Variants in FBXW11 observed in about 807,000 individuals in gnomAD.
The protein encoded by FBXW11 is F-box and WD repeat domain containing 11.
Under a neutral mutation model 77.6 loss-of-function variants are expected in FBXW11, and 19 were observed. The observed-to-expected ratio is 0.24, with a 90% CI of 0.17 to 0.36. The LOEUF (loss-of-function observed/expected upper bound fraction) is 0.36, where lower values mean the gene tolerates loss of function less well. Ranked by LOEUF, FBXW11 falls within the 10% of genes least tolerant of loss-of-function variation. The pLI is 1.00. For synonymous variants in FBXW11, 235 were observed against 249.4 expected (o/e 0.94, Z 0.54); for missense variants, 334 against 704.2 (o/e 0.47, Z 5.95).
At chr5:172,004,883 A>ACACG (rs1766638702) in intron 1 of FBXW11, among the ~76,000 whole-genome samples, 1 of 151,912 alleles carries the variant, frequency 6.6e-6, no homozygotes, top group Non-Finnish European at 1.5e-5. Context: ...ACACACACAC[A>ACACG]CACACACACG....
chr5:171,999,587 A>G (rs1215634352), intron 1 of FBXW11, among the ~76,000 whole-genome samples: 4 of 152,036 alleles, frequency 2.6e-5, no homozygotes, highest in Admixed American at 2.0e-4. Context: ...TCTATCATGT[A>G]GTCATTTCAG....
chr5:171,866,176 G>C (rs2113734540), intron 13 of FBXW11, among the ~76,000 whole-genome samples: 1 of 151,904 alleles, frequency 6.6e-6, no homozygotes. Context: ...GAGGCAAGAG[G>C]ATCACCCGAG....
chr5:171,956,336 C>T (rs1195479439), intron 2 of FBXW11, among the ~76,000 whole-genome samples: 1 of 152,124 alleles, frequency 6.6e-6, no homozygotes, highest in African/African-American at 2.4e-5. Flanking sequence ...AACATATATT[C>T]ATTACACTGA....
chr5:171,879,079 G>C (rs1335077345), intron 7 of FBXW11, among the ~76,000 whole-genome samples: 1 of 152,156 alleles, frequency 6.6e-6, no homozygotes, highest in Non-Finnish European at 1.5e-5. Context: ...AGAAAAGGAA[G>C]AAAGGATTAA....
chr5:171,931,973 C>T lies in FBXW11; in HGVS notation c.148-17568G>A, dbSNP rs1762231787. On this transcript the variant is annotated intron_variant, in intron 2 of 13. Coordinates refer to ENST00000517395, the MANE Select transcript of FBXW11 (RefSeq NM_001378974.1). ...CACTGCAGCCTCAACCTCCCAGGCT[C>T]AAGTGATCCTCCCACCTCAGCCTCC... Among the ~76,000 whole-genome samples the T allele has an allele frequency of 4.6e-5, 7 of 151,200 alleles. No individual in the cohort carries two copies. In the Admixed American group the frequency reaches 4.6e-4, roughly 10 times the overall value.
intron 1 of FBXW11, among the ~76,000 whole-genome samples, chr5:171,977,260 T>C (rs1298880225): frequency 1.4e-5 from 2 of 140,640 alleles, no homozygotes; most frequent in African/African-American, 5.4e-5. Context: ...TAGTGAGCCA[T>C]GACTGCACCA....
At chr5:171,864,990 CT>C (rs1757298076) in intron 13 of FBXW11, among the ~76,000 whole-genome samples, 1 of 148,540 alleles carries the variant, frequency 6.7e-6, no homozygotes, top group African/African-American at 2.5e-5. Flanking sequence ...GCAAGAGAGA[CT>C]TTTTAAAGCT....
At chr5:171,943,691 C>T (rs1409217564) in intron 2 of FBXW11, among the ~76,000 whole-genome samples, 1 of 152,178 alleles carries the variant, frequency 6.6e-6, no homozygotes, top group Non-Finnish European at 1.5e-5. Flanking sequence ...CCTCATGATC[C>T]GCCCGCCTCG....
chr5:171,936,763 T>C (rs1215622159), intron 2 of FBXW11, among the ~76,000 whole-genome samples: 3 of 152,104 alleles, frequency 2.0e-5, no homozygotes, highest in African/African-American at 4.8e-5. Context: ...CAGGATATGA[T>C]AACCTGTTTA....
At chr5:171,914,196 A>G in intron 3 of FBXW11, 147 bp downstream of exon 3, 1 of 655,202 alleles carries the variant, frequency 1.5e-6, no homozygotes, top group Non-Finnish European at 2.6e-6. Flanking sequence ...TGGAATGAAG[A>G]TAAATTAGGG....
At chr5:171,933,198 G>T (rs1762308477) in intron 2 of FBXW11, among the ~76,000 whole-genome samples, 1 of 150,088 alleles carries the variant, frequency 6.7e-6, no homozygotes, top group Non-Finnish European at 1.5e-5. Context: ...ATGAAATGAG[G>T]CATCAAGTCA....
At chr5:171,923,762 T>C (rs899085047) in intron 2 of FBXW11, among the ~76,000 whole-genome samples, 2 of 151,838 alleles carry the variant, frequency 1.3e-5, no homozygotes, top group South Asian at 2.1e-4. Flanking sequence ...GTCTCTGAAA[T>C]AGAGATGTTT....
chr5:171,945,270 A>C (rs1762950933), intron 2 of FBXW11, among the ~76,000 whole-genome samples: 1 of 152,272 alleles, frequency 6.6e-6, no homozygotes, highest in Non-Finnish European at 1.5e-5. Context: ...CAACATAAAT[A>C]GCATTCCTAT....
At chr5:171,910,948 A>T in intron 3 of FBXW11, 151 bp from the exon 4 acceptor site, 1 of 611,110 alleles carries the variant, frequency 1.6e-6, no homozygotes, top group African/African-American at 1.9e-5. Flanking sequence ...TTCATTCAGG[A>T]ATTAAAAATG....
At chr5:171,866,960 A>G (rs1229158677) in intron 13 of FBXW11, among the ~76,000 whole-genome samples, 1 of 152,228 alleles carries the variant, frequency 6.6e-6, no homozygotes, top group African/African-American at 2.4e-5. Context: ...GACCCATAAT[A>G]GCAAATAGGT....
chr5:171,997,582 T>C (rs1217085328), intron 1 of FBXW11, among the ~76,000 whole-genome samples: 1 of 152,198 alleles, frequency 6.6e-6, no homozygotes, highest in Non-Finnish European at 1.5e-5. Context: ...TAAAATATAG[T>C]GTGCTTCAAA....
chr5:171,987,708 C>T (rs1174374043), intron 1 of FBXW11, among the ~76,000 whole-genome samples: 1 of 152,176 alleles, frequency 6.6e-6, no homozygotes, highest in Admixed American at 6.5e-5. Context: ...CCACCTCAGC[C>T]TCCCACAGTG....
At chr5:171,939,856 G>A (rs754230502) in intron 2 of FBXW11, among the ~76,000 whole-genome samples, 17 of 152,080 alleles carry the variant, frequency 1.1e-4, no homozygotes, top group Non-Finnish European at 2.4e-4. Flanking sequence ...CACTCTTCCC[G>A]CTATGGATAT....
chr5:171,937,443 G>A (rs1297089368), intron 2 of FBXW11, among the ~76,000 whole-genome samples: 2 of 152,148 alleles, frequency 1.3e-5, no homozygotes, highest in Non-Finnish European at 2.9e-5. Context: ...CACTGATTTT[G>A]TCACAACTAC....
Sources: allele counts gnomAD v4.1 joint callset (sites outside exome capture counted in the v4.1 genomes callset), GRCh38; gene constraint gnomAD v4.1.1; transcripts MANE v1.5; gene names NCBI Gene and HGNC (gene_info 2026-07-23, HGNC 2026-07-21).